LHX8: variants seen among roughly 807,000 people sequenced by gnomAD.
The protein encoded by LHX8 is LIM homeobox 8, also known as LIM/homeobox protein Lhx8.
Under a neutral mutation model 40.3 loss-of-function variants are expected in LHX8, and 12 were observed. That is an observed-to-expected ratio of 0.30 (90% CI 0.19 to 0.48). The LOEUF (loss-of-function observed/expected upper bound fraction) is 0.48, where lower values mean the gene tolerates loss of function less well. Among genes scored for constraint, LHX8 ranks in the 20% least tolerant of loss-of-function variants. LHX8 has a pLI of 0.99. For synonymous variants in LHX8, 179 were observed against 162.0 expected, an observed-to-expected ratio of 1.10 and a Z score of -0.80; for missense variants, 344 against 433.7, an observed-to-expected ratio of 0.79 and a Z score of 1.84.
At chr1:75,145,717 G>C (rs1332780319) in intron 6 of LHX8, among the ~76,000 whole-genome samples, 1 of 152,102 alleles carries the variant, frequency 6.6e-6, no homozygotes, top group Non-Finnish European at 1.5e-5. Flanking sequence ...GTGGAAGTCT[G>C]TCTTATCAAA....
the LHX8 span, among the ~76,000 whole-genome samples, chr1:75,180,504 T>G: frequency 1.3e-5 from 2 of 152,212 alleles, no homozygotes; most frequent in Non-Finnish European, 2.9e-5. Context: ...CTTTTGCATG[T>G]GTCACGTAGT....
the LHX8 span, among the ~76,000 whole-genome samples, chr1:75,177,410 C>T: frequency 6.6e-6 from 1 of 152,048 alleles, no homozygotes; most frequent in Non-Finnish European, 1.5e-5. Context: ...AGTTGGATTC[C>T]TAGGTATTTT....
At chr1:75,187,849 A>T in the LHX8 span, among the ~76,000 whole-genome samples, 1 of 152,152 alleles carries the variant, frequency 6.6e-6, no homozygotes, top group African/African-American at 2.4e-5. Flanking sequence ...GGAAAGGAGA[A>T]ACAGTTGGAC....
upstream of LHX8, chr1:75,130,257 C>T (rs1647927226): frequency 1.0e-5 from 2 of 194,926 alleles, no homozygotes; most frequent in South Asian, 2.1e-4. Flanking sequence ...TCTTCCGTAG[C>T]GGACCGGGAG....
At chr1:75,197,170 A>C in the LHX8 span, among the ~76,000 whole-genome samples, 1 of 152,178 alleles carries the variant, frequency 6.6e-6, no homozygotes, top group African/African-American at 2.4e-5. Context: ...AAAACACAGA[A>C]ACATTTTTTG....
At chr1:75,154,878 T>C (rs1648712340) in intron 7 of LHX8, among the ~76,000 whole-genome samples, 1 of 152,208 alleles carries the variant, frequency 6.6e-6, no homozygotes, top group Non-Finnish European at 1.5e-5. Flanking sequence ...ACTAGATTAT[T>C]AATTTTTTAT....
downstream of LHX8, among the ~76,000 whole-genome samples, chr1:75,164,231 A>T (rs183223037): frequency 3.9e-3 from 592 of 152,292 alleles, 6 homozygotes; most frequent in Admixed American, 0.022. Flanking sequence ...ATGTATTCAC[A>T]GCAACTTCAT....
At chr1:75,137,626 C>T (rs1041186541) in intron 3 of LHX8, among the ~76,000 whole-genome samples, 1 of 152,144 alleles carries the variant, frequency 6.6e-6, no homozygotes, top group African/African-American at 2.4e-5. Flanking sequence ...CCGAATTATT[C>T]CTTTCTTAAA....
At chr1:75,142,044 C>A (rs1037273679) in intron 4 of LHX8, among the ~76,000 whole-genome samples, 1 of 152,070 alleles carries the variant, frequency 6.6e-6, no homozygotes, top group Admixed American at 6.6e-5. Flanking sequence ...TATTTCTCAG[C>A]AGGTTTACTT....
At chr1:75,166,750 G>C in the LHX8 span, among the ~76,000 whole-genome samples, 7 of 152,288 alleles carry the variant, frequency 4.6e-5, no homozygotes, top group South Asian at 4.1e-4. Flanking sequence ...AAACTAGCTT[G>C]ACAGGCTCCA....
At chr1:75,156,722 A>C (rs1202930028) in intron 7 of LHX8, among the ~76,000 whole-genome samples, 171 bp from the exon 8 acceptor site, 1 of 152,214 alleles carries the variant, frequency 6.6e-6, no homozygotes, top group African/African-American at 2.4e-5. Context: ...TGTTATTTGG[A>C]CTAAAATGTT....
upstream of LHX8, chr1:75,132,518 A>C (rs1395693593): frequency 6.6e-6 from 1 of 152,134 alleles, no homozygotes; most frequent in Non-Finnish European, 1.5e-5. Flanking sequence ...ACCTCTAAAA[A>C]TGAATCATTT....
chr1:75,179,553 C>G, the LHX8 span, among the ~76,000 whole-genome samples: 1 of 135,754 alleles, frequency 7.4e-6, no homozygotes, highest in Non-Finnish European at 1.6e-5. Flanking sequence ...AGATCTTCCT[C>G]CATCCCTTTA....
intron 7 of LHX8, among the ~76,000 whole-genome samples, chr1:75,155,907 A>G (rs1403216553): frequency 6.6e-6 from 1 of 152,180 alleles, no homozygotes; most frequent in East Asian, 1.9e-4. Flanking sequence ...AGAGGTTTGT[A>G]GAAAGCTTTA....
intron 3 of LHX8, among the ~76,000 whole-genome samples, chr1:75,140,210 A>G (rs1185225245): frequency 6.6e-6 from 1 of 152,250 alleles, no homozygotes; most frequent in Non-Finnish European, 1.5e-5. Context: ...TTTAGAAAGT[A>G]TAAAATACTG....
intron 3 of LHX8, 28 bp from the exon 4 acceptor site, chr1:75,140,957 A>T: frequency 6.2e-7 from 1 of 1,612,630 alleles, no homozygotes; most frequent in African/African-American, 1.3e-5. Context: ...TAAATATGAT[A>T]TTACAATGGC....
the LHX8 span, among the ~76,000 whole-genome samples, chr1:75,172,846 T>C: frequency 6.6e-6 from 1 of 152,150 alleles, no homozygotes; most frequent in Admixed American, 6.5e-5. Flanking sequence ...CTGAATCTCC[T>C]AGGAACACCC....
At chr1:75,153,259 C>T (rs1648659840) in intron 7 of LHX8, among the ~76,000 whole-genome samples, 1 of 151,998 alleles carries the variant, frequency 6.6e-6, no homozygotes, top group Non-Finnish European at 1.5e-5. Flanking sequence ...GTGCGTGATA[C>T]CACACGCAGC....
At chr1:75,155,388 C>CTA (rs1389164155) in intron 7 of LHX8, among the ~76,000 whole-genome samples, 5 of 152,044 alleles carry the variant, frequency 3.3e-5, no homozygotes, top group African/African-American at 1.2e-4. Context: ...GCACCCGCCA[C>CTA]CATGCCTGGC....
Sources: gnomAD v4.1 joint callset for allele counts (sites outside exome capture counted in the v4.1 genomes callset) on GRCh38, gnomAD v4.1.1 for gene constraint, MANE v1.5 for transcripts, NCBI Gene and HGNC (gene_info 2026-07-23, HGNC 2026-07-21) for gene names.